Variants in SLC39A9 observed in about 807,000 individuals in gnomAD.
SLC39A9 encodes the protein solute carrier family 39 member 9.
SLC39A9 carries 14 observed loss-of-function variants against 28.4 expected under a neutral mutation model. The ratio of observed to expected loss-of-function variants is 0.49; its 90% CI spans 0.33 to 0.77. SLC39A9 has a LOEUF of 0.77. Among genes scored for constraint, SLC39A9 ranks in the 30% least tolerant of loss-of-function variants. The pLI is 0.02. For synonymous variants in SLC39A9, 119 were observed against 149.6 expected, an observed-to-expected ratio of 0.80 and a Z score of 1.49; for missense variants, 283 against 381.1, an observed-to-expected ratio of 0.74 and a Z score of 2.14.
chr14:69,458,281 G>A, intron 6 of SLC39A9, 82 bp from the exon 7 acceptor site: 2 of 1,538,162 alleles, frequency 1.3e-6, no homozygotes, highest in African/African-American at 1.4e-5. Flanking sequence ...TAAGAACAGT[G>A]AGTGTTTTTT....
intron 3 of SLC39A9, 35 bp from the exon 4 acceptor site, chr14:69,453,206 A>G: frequency 2.5e-6 from 4 of 1,583,084 alleles, no homozygotes; most frequent in Non-Finnish European, 3.5e-6. Context: ...TCTGTCTCAC[A>G]TAGCTTAACG....
intron 3 of SLC39A9, among the ~76,000 whole-genome samples, chr14:69,452,446 C>T (rs1885652980): frequency 6.6e-6 from 1 of 152,082 alleles, no homozygotes; most frequent in Non-Finnish European, 1.5e-5. Context: ...TCTCCTGCCT[C>T]AGCTCCCAAG....
chr14:69,421,932 G>A (rs1883921969), intron 1 of SLC39A9, among the ~76,000 whole-genome samples: 1 of 152,180 alleles, frequency 6.6e-6, no homozygotes, highest in Non-Finnish European at 1.5e-5. Flanking sequence ...GGCTAGGAAA[G>A]GGAAATCCCC....
intron 1 of SLC39A9, among the ~76,000 whole-genome samples, chr14:69,402,486 C>T (rs1456923369): frequency 6.6e-6 from 1 of 151,892 alleles, no homozygotes; most frequent in Non-Finnish European, 1.5e-5. Flanking sequence ...TATTTAAAAA[C>T]GAGTTAAAAT....
chr14:69,406,429 A>G (rs1882915449), intron 1 of SLC39A9, among the ~76,000 whole-genome samples: 1 of 152,210 alleles, frequency 6.6e-6, no homozygotes, highest in Non-Finnish European at 1.5e-5. Flanking sequence ...AAATGGATTC[A>G]GAATGTTTCT....
At chr14:69,441,196 G>T (rs1885033001) in intron 2 of SLC39A9, among the ~76,000 whole-genome samples, 1 of 152,126 alleles carries the variant, frequency 6.6e-6, no homozygotes, top group South Asian at 2.1e-4. Context: ...TAGGAGGATT[G>T]CTTGAGCCCG....
rs560278569 is a variant in SLC39A9, at chr14:69,404,754, C to T, written c.96+5289C>T. 3.9e-5 allele frequency among the ~76,000 whole-genome samples: 6 copies of T among 152,212 alleles called. No individual in the cohort carries two copies. The South Asian group carries it at 1.2e-3, about 32-fold the overall frequency. On this transcript the variant is annotated intron_variant, in intron 1 of 6. Transcript: ENST00000336643. ...CAGGGCTTTTCCTCTACCCTCCCTG[C>T]TTTATACTATTTTTCTTAGTATTTA...
In SLC39A9 at chr14:69,399,290, C is replaced by G. The variant is rs552316083; in HGVS notation, c.-80C>G. ...GCCCACTCTCTTGGAACCACCACAC[C>G]TGTTTAAAGAACCTAAGCACCATTT... is the stretch of plus-strand genomic sequence containing the variant. On this transcript the variant is annotated 5_prime_UTR_variant, in exon 1 of 7. Transcript: ENST00000336643. 29 of 1,253,032 alleles carry G rather than the reference C, an allele frequency of 2.3e-5. No individual in the cohort carries two copies. The African/African-American group carries it at 3.1e-4, about 13-fold the overall frequency. The allele number at this position is 1,253,032 out of a possible 1,614,324, so 77.6% of individuals were successfully genotyped here.
intron 1 of SLC39A9, among the ~76,000 whole-genome samples, chr14:69,422,322 A>G (rs1883944060): frequency 6.6e-6 from 1 of 152,178 alleles, no homozygotes; most frequent in African/African-American, 2.4e-5. Flanking sequence ...CAGTGAGATC[A>G]TAGCTCACTA....
intron 1 of SLC39A9, among the ~76,000 whole-genome samples, chr14:69,401,658 C>T (rs982374563): frequency 1.3e-5 from 2 of 152,044 alleles, no homozygotes; most frequent in Non-Finnish European, 2.9e-5. Flanking sequence ...GTGTTAATAA[C>T]TGGGTCATTA....
chr14:69,416,567 A>G (rs899687684), intron 1 of SLC39A9, among the ~76,000 whole-genome samples: 4 of 152,200 alleles, frequency 2.6e-5, no homozygotes, highest in Non-Finnish European at 5.9e-5. Context: ...ACAATGGTTG[A>G]ACTAGTTTAC....
chr14:69,450,780 A>T lies in SLC39A9; in HGVS notation c.404-2461A>T, dbSNP rs1264022733. 1.7e-4 allele frequency among the ~76,000 whole-genome samples: 26 copies of T among 152,204 alleles called. 1 individual carries two copies. Among genetic ancestry groups the T allele is most frequent in the Admixed American group, 1.7e-3 (26 of 15,266 alleles). ...CAAGCAAGACTCTGTCTCTAAAAAA[A>T]TAAAAATAAAATGTGTGGGCGCAGT... On this transcript the variant is annotated intron_variant, in intron 3 of 6. Transcript: ENST00000336643.
intron 1 of SLC39A9, among the ~76,000 whole-genome samples, chr14:69,412,367 C>T (rs577516117): frequency 6.7e-5 from 10 of 149,852 alleles, no homozygotes; most frequent in Admixed American, 2.0e-4. Flanking sequence ...CCAGCCTGGG[C>T]GACAGAGCAA....
At chr14:69,419,766 T>G (rs1315826983) in intron 1 of SLC39A9, among the ~76,000 whole-genome samples, 1 of 152,218 alleles carries the variant, frequency 6.6e-6, no homozygotes, top group African/African-American at 2.4e-5. Context: ...TGGCCTTGTC[T>G]CTTTTGATGT....
chr14:69,458,670 C>G lies in SLC39A9; in HGVS notation c.*77C>G. 1 of 1,476,092 alleles carries G rather than the reference C, an allele frequency of 6.8e-7. No individual in the cohort carries two copies. Among genetic ancestry groups the G allele is most frequent in the Non-Finnish European group, 9.0e-7 (1 of 1,110,438 alleles). The allele number at this position is 1,476,092 out of a possible 1,614,324, so 91.4% of individuals were successfully genotyped here. On this transcript the variant is annotated 3_prime_UTR_variant, in exon 7 of 7. Coordinates refer to ENST00000336643, the MANE Select transcript of SLC39A9 (RefSeq NM_018375.5). ...GCCGGCACGTGACAGCTACTCACTT[C>G]CTCAGTCTCTTGTCTCACCTTGCGC...
chr14:69,401,286 C>T (rs1882618840), intron 1 of SLC39A9, among the ~76,000 whole-genome samples: 1 of 152,118 alleles, frequency 6.6e-6, no homozygotes, highest in African/African-American at 2.4e-5. Flanking sequence ...AGGCACAGTC[C>T]TCCTTGCCCT....
intron 3 of SLC39A9, among the ~76,000 whole-genome samples, chr14:69,443,234 C>G (rs146372975): frequency 6.6e-6 from 1 of 152,282 alleles, no homozygotes; most frequent in East Asian, 1.9e-4. Flanking sequence ...TCAGATATGT[C>G]AGCAGGGAAT....
At chr14:69,441,938 A>AT in intron 2 of SLC39A9, 131 bp from the exon 3 acceptor site, 1 of 1,430,084 alleles carries the variant, frequency 7.0e-7, no homozygotes, top group Non-Finnish European at 9.1e-7. Flanking sequence ...GATTGGCTGG[A>AT]TTACAATATA....
At chr14:69,430,628 C>CTTTTTTTTTTTTTT (rs71446389) in intron 2 of SLC39A9, among the ~76,000 whole-genome samples, 2 of 137,748 alleles carry the variant, frequency 1.5e-5, no homozygotes, top group Non-Finnish European at 3.1e-5. Flanking sequence ...ATTTTTCTTT[C>CTTTTTTTTTTTTTT]TTTTTTTTTT....
Sources: allele counts gnomAD v4.1 joint callset (sites outside exome capture counted in the v4.1 genomes callset), GRCh38; gene constraint gnomAD v4.1.1; transcripts MANE v1.5; gene names NCBI Gene and HGNC (gene_info 2026-07-23, HGNC 2026-07-21).